Variants in RALGPS2 observed in about 807,000 individuals in gnomAD.
The protein encoded by RALGPS2 is ras-specific guanine nucleotide-releasing factor RalGPS2.
A neutral mutation model predicts 86.8 loss-of-function variants in RALGPS2; 43 were observed. That is an observed-to-expected ratio of 0.50 (90% CI 0.39 to 0.64). RALGPS2 has a LOEUF of 0.64. Among genes scored for constraint, RALGPS2 ranks in the 30% least tolerant of loss-of-function variants. The probability of loss-of-function intolerance (pLI) is 0.00; values close to 1 mark genes in which losing one functional copy is unlikely to be tolerated. For synonymous variants in RALGPS2, 243 were observed against 231.3 expected (o/e 1.05, Z -0.46); for missense variants, 536 against 694.6 (o/e 0.77, Z 2.57).
At chr1:178,742,156 A>C (rs1304882273) in intron 1 of RALGPS2, among the ~76,000 whole-genome samples, 4 of 151,242 alleles carry the variant, frequency 2.6e-5, no homozygotes, top group African/African-American at 7.3e-5. Context: ...AAAAAAGAAG[A>C]AGAAGCAGAA....
intron 8 of RALGPS2, among the ~76,000 whole-genome samples, chr1:178,840,673 C>T (rs1484770812): frequency 2.0e-5 from 3 of 151,974 alleles, no homozygotes; most frequent in South Asian, 2.1e-4. Flanking sequence ...GAGATAGAGA[C>T]ACAAAAAACC....
chr1:178,830,460 G>A (rs1388751715), intron 7 of RALGPS2, among the ~76,000 whole-genome samples: 3 of 152,110 alleles, frequency 2.0e-5, no homozygotes, highest in African/African-American at 4.8e-5. Context: ...TGACAGAGGT[G>A]GCATTGTAAG....
At chr1:178,854,659 TTAAC>T (rs1172030883) in intron 8 of RALGPS2, among the ~76,000 whole-genome samples, 1 of 152,202 alleles carries the variant, frequency 6.6e-6, no homozygotes, top group Non-Finnish European at 1.5e-5. Flanking sequence ...GATAGAACGA[TTAAC>T]TAAGGTCATG....
intron 8 of RALGPS2, chr1:178,853,229 A>T: frequency 1.0e-6 from 1 of 984,624 alleles, no homozygotes; most frequent in Non-Finnish European, 1.2e-6. Context: ...AAATTTATCC[A>T]TAGCTACTAA....
chr1:178,734,369 T>C lies in RALGPS2; in HGVS notation c.-84+8950T>C, dbSNP rs75231256. On this transcript the variant is annotated intron_variant, in intron 1 of 19. Coordinates refer to ENST00000367635, the MANE Select transcript of RALGPS2 (RefSeq NM_152663.5). ...CCTCTCCTAGAACAGCAGATAGAGGTAGAAAACAGATAAGTGGCTTAGGCC... is the reference window on the plus strand; with the variant it reads ...CCTCTCCTAGAACAGCAGATAGAGGCAGAAAACAGATAAGTGGCTTAGGCC... Among the ~76,000 whole-genome samples the C allele has an allele frequency of 9.3e-3, 1,417 of 152,174 alleles. 11 individuals are homozygous for C. Among genetic ancestry groups the C allele is most frequent in the South Asian group, 0.03 (147 of 4,820 alleles).
At chr1:178,889,019 C>A (rs1445273452) in intron 13 of RALGPS2, among the ~76,000 whole-genome samples, 1 of 151,952 alleles carries the variant, frequency 6.6e-6, no homozygotes, top group African/African-American at 2.4e-5. Flanking sequence ...TAAATTCATT[C>A]CCCATAGTTT....
At chr1:178,777,332 C>G (rs1354582337) in intron 2 of RALGPS2, among the ~76,000 whole-genome samples, 1 of 152,036 alleles carries the variant, frequency 6.6e-6, no homozygotes, top group Non-Finnish European at 1.5e-5. Context: ...ATCCAACTTA[C>G]AAGGGATGTG....
At chr1:178,899,206 T>C (rs540877724) in intron 17 of RALGPS2, among the ~76,000 whole-genome samples, 1 of 152,094 alleles carries the variant, frequency 6.6e-6, no homozygotes, top group East Asian at 1.9e-4. Flanking sequence ...CATTGTTGCT[T>C]GTGCATAAAG....
At chr1:178,755,001 T>C (rs943217661) in intron 1 of RALGPS2, among the ~76,000 whole-genome samples, 1 of 152,216 alleles carries the variant, frequency 6.6e-6, no homozygotes, top group Non-Finnish European at 1.5e-5. Context: ...GGTTTCACCA[T>C]GTTGGCCAGG....
At chr1:178,759,287 A>G (rs115290624) in intron 1 of RALGPS2, among the ~76,000 whole-genome samples, 535 of 152,238 alleles carry the variant, frequency 3.5e-3, no homozygotes, top group Non-Finnish European at 6.3e-3. Flanking sequence ...TCTTCTATAC[A>G]TGGATATCTA....
At position 178,725,320 on chromosome 1, in the gene RALGPS2, G is replaced by C. The variant is rs1195213100; in HGVS notation, c.-183G>C. 1.2e-5 allele frequency: 2 copies of C among 165,552 alleles called. No individual in the cohort carries two copies. Among genetic ancestry groups the C allele is most frequent in the Non-Finnish European group, 2.5e-5 (2 of 78,942 alleles). 10.3% of individuals were successfully genotyped at this position (165,552 alleles called of 1,614,324 possible). Reference sequence around the variant, plus strand: ...GCTGAATGAGAGACGGTGACTGTTCGGGTCGACGAGTGCTACTCTAGGCGG... The same window carrying C: ...GCTGAATGAGAGACGGTGACTGTTCCGGTCGACGAGTGCTACTCTAGGCGG... On this transcript the variant is annotated 5_prime_UTR_variant, in exon 1 of 20. Coordinates refer to ENST00000367635, the MANE Select transcript of RALGPS2 (RefSeq NM_152663.5).
At chr1:178,840,666 A>G (rs559149761) in intron 8 of RALGPS2, among the ~76,000 whole-genome samples, 1 of 152,328 alleles carries the variant, frequency 6.6e-6, no homozygotes, top group African/African-American at 2.4e-5. Flanking sequence ...ACTGAAGGAG[A>G]TAGAGACACA....
At chr1:178,872,162 C>T (rs1658793626) in intron 8 of RALGPS2, among the ~76,000 whole-genome samples, 1 of 152,160 alleles carries the variant, frequency 6.6e-6, no homozygotes, top group South Asian at 2.1e-4. Context: ...CCTGTGCTTT[C>T]CCTTCCTTAT....
At chr1:178,775,187 A>G (rs1158598793) in intron 1 of RALGPS2, among the ~76,000 whole-genome samples, 1 of 152,030 alleles carries the variant, frequency 6.6e-6, no homozygotes, top group Non-Finnish European at 1.5e-5. Context: ...CTTCACCACA[A>G]CTCTATGAAG....
chr1:178,874,281 A>T (rs761994388), intron 8 of RALGPS2, among the ~76,000 whole-genome samples: 1 of 152,200 alleles, frequency 6.6e-6, no homozygotes, highest in Non-Finnish European at 1.5e-5. Context: ...AAATATTAAC[A>T]TGTAACCAAT....
chr1:178,751,134 A>T (rs1044351266), intron 1 of RALGPS2, among the ~76,000 whole-genome samples: 2 of 151,808 alleles, frequency 1.3e-5, no homozygotes, highest in Non-Finnish European at 2.9e-5. Flanking sequence ...AGACACACAC[A>T]CCCTATGTCC....
intron 10 of RALGPS2, chr1:178,879,234 A>C (rs1158894010): frequency 2.9e-6 from 1 of 347,248 alleles, no homozygotes; most frequent in East Asian, 5.7e-5. Context: ...CTAACGTTTG[A>C]TAGTTCTAAT....
At chr1:178,733,323 G>C (rs1035580983) in intron 1 of RALGPS2, among the ~76,000 whole-genome samples, 10 of 152,188 alleles carry the variant, frequency 6.6e-5, no homozygotes, top group African/African-American at 2.2e-4. Context: ...ACTTATATCT[G>C]TCAGAGGACT....
At chr1:178,788,318 T>C (rs1021952108) in intron 4 of RALGPS2, among the ~76,000 whole-genome samples, 2 of 152,218 alleles carry the variant, frequency 1.3e-5, no homozygotes, top group African/African-American at 4.8e-5. Context: ...TTTTATGCAA[T>C]TTAAAACATC....
Sources: gnomAD v4.1 joint callset for allele counts (sites outside exome capture counted in the v4.1 genomes callset) on GRCh38, gnomAD v4.1.1 for gene constraint, MANE v1.5 for transcripts, NCBI Gene and HGNC (gene_info 2026-07-23, HGNC 2026-07-21) for gene names.